Variants in HS3ST4 observed in about 807,000 individuals in gnomAD.
The protein encoded by HS3ST4 is heparan sulfate glucosamine 3-O-sulfotransferase 4.
HS3ST4 carries 17 observed loss-of-function variants against 29.2 expected under a neutral mutation model. That is an observed-to-expected ratio of 0.58 (90% CI 0.40 to 0.87). The LOEUF (loss-of-function observed/expected upper bound fraction) is 0.87, where lower values mean the gene tolerates loss of function less well. HS3ST4 is among the 40% of genes least tolerant of loss of function. HS3ST4 has a pLI of 0.00. For missense variants in HS3ST4, 627 were observed against 634.5 expected, an observed-to-expected ratio of 0.99 and a Z score of 0.13; for synonymous variants, 314 against 285.7, an observed-to-expected ratio of 1.10 and a Z score of -1.00.
At chr16:25,974,880 A>G (rs1292615356) in intron 1 of HS3ST4, among the ~76,000 whole-genome samples, 1 of 152,178 alleles carries the variant, frequency 6.6e-6, no homozygotes, top group Non-Finnish European at 1.5e-5. Context: ...TGAAAGTGCC[A>G]TAATATTTGG....
chr16:25,980,765 C>T (rs1473925071), intron 1 of HS3ST4, among the ~76,000 whole-genome samples: 1 of 152,176 alleles, frequency 6.6e-6, no homozygotes, highest in Non-Finnish European at 1.5e-5. Flanking sequence ...GATGCTTACA[C>T]TCACAGATCC....
At chr16:26,131,385 AGG>A (rs1448823002) in intron 1 of HS3ST4, among the ~76,000 whole-genome samples, 2 of 152,192 alleles carry the variant, frequency 1.3e-5, no homozygotes, top group Non-Finnish European at 1.5e-5. Context: ...ATGGCCCATA[AGG>A]CCCTCCATAG....
chr16:25,721,341 T>C (rs1346461833), intron 1 of HS3ST4, among the ~76,000 whole-genome samples: 1 of 152,204 alleles, frequency 6.6e-6, no homozygotes, highest in Non-Finnish European at 1.5e-5. Context: ...TTACTTTGAA[T>C]TGAGGATTGC....
chr16:25,982,514 C>T (rs577505314), intron 1 of HS3ST4, among the ~76,000 whole-genome samples: 1 of 152,256 alleles, frequency 6.6e-6, no homozygotes, highest in South Asian at 2.1e-4. Context: ...ATAGAACAGA[C>T]CATGGTGCTT....
At chr16:26,090,093 AT>A in intron 1 of HS3ST4, among the ~76,000 whole-genome samples, 2 of 152,188 alleles carry the variant, frequency 1.3e-5, no homozygotes. Flanking sequence ...CAGGTACTTA[AT>A]AAATGTCACT....
chr16:25,981,654 C>T (rs1264019026), intron 1 of HS3ST4, among the ~76,000 whole-genome samples: 2 of 49,536 alleles, frequency 4.0e-5, no homozygotes, highest in Admixed American at 5.6e-4. Flanking sequence ...GTCGCCCAGG[C>T]AATGGTGGAG....
chr16:26,122,048 T>C (rs1265817464), intron 1 of HS3ST4, among the ~76,000 whole-genome samples: 3 of 152,098 alleles, frequency 2.0e-5, no homozygotes, highest in Non-Finnish European at 2.9e-5. Flanking sequence ...ATGAGGACAG[T>C]GATGAAATCT....
rs565984763 is a variant in HS3ST4 at position 25,927,057 on chromosome 16, C to T, written c.735-208555C>T. ...AGCCTGGGCGACAAGAGCGAAACTC[C>T]GTCTAAAAGAAAAAAAAAAGAATAC... On this transcript the variant is annotated intron_variant, in intron 1 of 1. Coordinates refer to ENST00000331351, the MANE Select transcript of HS3ST4 (RefSeq NM_006040.3). Among the ~76,000 whole-genome samples, 5 of 145,868 alleles carry T rather than the reference C, an allele frequency of 3.4e-5. No individual in the cohort carries two copies. The East Asian group carries it at 5.9e-4, about 17-fold the overall frequency.
chr16:25,873,500 A>G (rs1029941533), intron 1 of HS3ST4, among the ~76,000 whole-genome samples: 56 of 144,428 alleles, frequency 3.9e-4, no homozygotes, highest in East Asian at 1.0e-3. Flanking sequence ...CTATCTATCT[A>G]TCTATCTATC....
chr16:26,068,373 T>C (rs1898564744), intron 1 of HS3ST4, among the ~76,000 whole-genome samples: 1 of 152,194 alleles, frequency 6.6e-6, no homozygotes, highest in African/African-American at 2.4e-5. Context: ...AAATGTCAGC[T>C]ATATTAAAAA....
chr16:25,979,567 T>A (rs1189908847), intron 1 of HS3ST4, among the ~76,000 whole-genome samples: 1 of 152,172 alleles, frequency 6.6e-6, no homozygotes, highest in Non-Finnish European at 1.5e-5. Flanking sequence ...TCTCCTATCA[T>A]CCCCAGATGG....
chr16:25,831,827 TG>T (rs1378183500), intron 1 of HS3ST4, among the ~76,000 whole-genome samples: 1 of 151,970 alleles, frequency 6.6e-6, no homozygotes, highest in Non-Finnish European at 1.5e-5. Context: ...TCACATAGGC[TG>T]GGCACAGTCA....
chr16:25,828,242 C>CTCTTTCTA (rs1967244527), intron 1 of HS3ST4, among the ~76,000 whole-genome samples: 1 of 75,016 alleles, frequency 1.3e-5, no homozygotes, highest in Admixed American at 1.5e-4. Flanking sequence ...TTCTTTCTTT[C>CTCTTTCTA]TCTTTCTTTC....
At chr16:25,885,358 C>CT (rs1234288201) in intron 1 of HS3ST4, among the ~76,000 whole-genome samples, 1 of 152,068 alleles carries the variant, frequency 6.6e-6, no homozygotes, top group Non-Finnish European at 1.5e-5. Context: ...TTTCGAGACC[C>CT]TCAGAGGAGG....
chr16:26,023,301 A>G (rs1264021958), intron 1 of HS3ST4, among the ~76,000 whole-genome samples: 1 of 151,664 alleles, frequency 6.6e-6, no homozygotes. Context: ...TGTTTTATAT[A>G]TATATATATA....
At chr16:26,074,980 G>A (rs1361402968) in intron 1 of HS3ST4, among the ~76,000 whole-genome samples, 1 of 152,144 alleles carries the variant, frequency 6.6e-6, no homozygotes, top group Non-Finnish European at 1.5e-5. Flanking sequence ...AGATCACGAG[G>A]TCAAGAGATC....
chr16:25,858,820 T>C (rs549579449), intron 1 of HS3ST4, among the ~76,000 whole-genome samples: 1 of 152,218 alleles, frequency 6.6e-6, no homozygotes, highest in African/African-American at 2.4e-5. Flanking sequence ...ATTTTAAAAA[T>C]TTTCCCCCAT....
intron 1 of HS3ST4, among the ~76,000 whole-genome samples, chr16:25,880,880 C>T (rs574828467): frequency 2.0e-5 from 3 of 152,256 alleles, no homozygotes; most frequent in South Asian, 4.1e-4. Flanking sequence ...TTTTTATAGA[C>T]TTTGGGGTAG....
chr16:25,925,488 G>A (rs900666940), intron 1 of HS3ST4, among the ~76,000 whole-genome samples: 8 of 152,132 alleles, frequency 5.3e-5, no homozygotes, highest in East Asian at 3.9e-4. Flanking sequence ...AGATTACGCC[G>A]CGACGCTGTT....
Sources: allele counts gnomAD v4.1 joint callset (sites outside exome capture counted in the v4.1 genomes callset), GRCh38; gene constraint gnomAD v4.1.1; transcripts MANE v1.5; gene names NCBI Gene and HGNC (gene_info 2026-07-23, HGNC 2026-07-21).